Variants in MCTP2 observed in about 807,000 individuals in gnomAD.
MCTP2 encodes the protein multiple C2 and transmembrane domain containing 2.
In MCTP2, 132 loss-of-function variants were observed where a neutral mutation model predicts 111.6. The ratio of observed to expected loss-of-function variants is 1.18; its 90% confidence interval spans 1.03 to 1.37. The LOEUF (loss-of-function observed/expected upper bound fraction) is 1.37, where lower values mean the gene tolerates loss of function less well. Among genes scored for constraint, MCTP2 ranks in the 40% most tolerant of loss-of-function variants. MCTP2 has a pLI of 0.00. For missense variants in MCTP2, 1,183 were observed against 1,067.9 expected (o/e 1.11, Z -1.50); for synonymous variants, 395 against 387.7 (o/e 1.02, Z -0.22).
chr15:94,259,198 A>G (rs750763381), intron 1 of MCTP2, among the ~76,000 whole-genome samples: 1 of 152,158 alleles, frequency 6.6e-6, no homozygotes, highest in Non-Finnish European at 1.5e-5. Context: ...CACCATTAGT[A>G]CTCATACTCT....
At chr15:94,364,677 T>C (rs1031135611) in intron 10 of MCTP2, among the ~76,000 whole-genome samples, 1 of 152,228 alleles carries the variant, frequency 6.6e-6, no homozygotes, top group African/African-American at 2.4e-5. Flanking sequence ...TGGATGAATA[T>C]TTTGGTTAAC....
intron 4 of MCTP2, among the ~76,000 whole-genome samples, chr15:94,335,763 T>A (rs2077331497): frequency 6.6e-6 from 1 of 152,218 alleles, no homozygotes; most frequent in African/African-American, 2.4e-5. Context: ...GTTAGTTTTT[T>A]AAAAAACAGT....
chr15:94,281,695 C>T (rs543812007), intron 1 of MCTP2, among the ~76,000 whole-genome samples: 8 of 152,218 alleles, frequency 5.3e-5, no homozygotes, highest in African/African-American at 1.9e-4. Flanking sequence ...TGGCCAGTAA[C>T]AGTCTTTCAT....
Position 94,378,084 on chromosome 15 carries a change from T to A in MCTP2, c.1583-5938T>A, listed in dbSNP as rs56300565. Among the ~76,000 whole-genome samples the A allele has an allele frequency of 4.1e-3, 625 of 152,232 alleles. 6 individuals carry two copies. The highest frequency in any genetic ancestry group is 0.014 in the African/African-American group (597 of 41,546). On this transcript the variant is annotated intron_variant, in intron 12 of 22. Transcript: ENST00000357742. ...ATTAAGGGAATGATATGATCCGATA[T>A]AAACTAACAAAAGTTTATTCTGGCA...
chr15:94,322,293 G>A (rs2076666424), intron 4 of MCTP2, among the ~76,000 whole-genome samples: 1 of 132,222 alleles, frequency 7.6e-6, no homozygotes. Flanking sequence ...CACAGCCCCT[G>A]TTTTTGAATT....
chr15:94,313,443 C>T (rs1240048281), intron 2 of MCTP2, among the ~76,000 whole-genome samples: 1 of 152,122 alleles, frequency 6.6e-6, no homozygotes, highest in Non-Finnish European at 1.5e-5. Context: ...TGGCTCACGC[C>T]TGTAATCCCA....
chr15:94,266,020 C>T (rs1332988028), intron 1 of MCTP2, among the ~76,000 whole-genome samples: 1 of 152,162 alleles, frequency 6.6e-6, no homozygotes, highest in African/African-American at 2.4e-5. Flanking sequence ...AAGACAAGAT[C>T]ACATCTTTAA....
At chr15:94,250,425 T>C (rs1049848461) in intron 1 of MCTP2, among the ~76,000 whole-genome samples, 1 of 152,202 alleles carries the variant, frequency 6.6e-6, no homozygotes, top group African/African-American at 2.4e-5. Flanking sequence ...TGAGCACGTA[T>C]TGAGGATTAC....
intron 10 of MCTP2, among the ~76,000 whole-genome samples, chr15:94,364,473 A>T (rs1436358998): frequency 6.6e-6 from 1 of 152,156 alleles, no homozygotes; most frequent in Non-Finnish European, 1.5e-5. Context: ...TTGCAAGAAG[A>T]ATCCATTACA....
Position 94,438,560 on chromosome 15 carries a change from C to T in MCTP2, c.2086-1616C>T, listed in dbSNP as rs1406561938. Among the ~76,000 whole-genome samples, 7 of 152,230 alleles carry T rather than the reference C, an allele frequency of 4.6e-5. No individual in the cohort carries two copies. The East Asian group carries it at 1.3e-3, about 29-fold the overall frequency. On this transcript the variant is annotated intron_variant, in intron 17 of 22. Coordinates refer to ENST00000357742, the MANE Select transcript of MCTP2 (RefSeq NM_001385001.1). ...TTATGAAATTACAAATACAATACTTCACCATATTGATGTCTTTAAATGAAA... is the reference window on the plus strand; with the variant it reads ...TTATGAAATTACAAATACAATACTTTACCATATTGATGTCTTTAAATGAAA...
At chr15:94,372,515 C>G (rs141932965) in intron 12 of MCTP2, among the ~76,000 whole-genome samples, 1 of 152,282 alleles carries the variant, frequency 6.6e-6, no homozygotes, top group African/African-American at 2.4e-5. Context: ...AAGAGGTCAG[C>G]GATCGTGGCC....
intron 1 of MCTP2, among the ~76,000 whole-genome samples, chr15:94,281,607 C>A (rs181093501): frequency 3.2e-4 from 48 of 152,188 alleles, no homozygotes; most frequent in Non-Finnish European, 6.0e-4. Flanking sequence ...TTGTGATGTT[C>A]ACTGTTTGTT....
intron 13 of MCTP2, among the ~76,000 whole-genome samples, chr15:94,385,036 G>A (rs898355123): frequency 2.6e-5 from 4 of 152,116 alleles, no homozygotes; most frequent in Admixed American, 6.5e-5. Context: ...TTATTTTAAA[G>A]GTAATTCTTA....
rs181495833 is a variant in MCTP2, at chr15:94,306,022, G to T, written c.465+7292G>T. ...CGGTCTATTCTGGTTCTTGCCGTAGGTATTGATGGTGAAATTGGGATTAGA... is the reference window on the plus strand; with the variant it reads ...CGGTCTATTCTGGTTCTTGCCGTAGTTATTGATGGTGAAATTGGGATTAGA... On this transcript the variant is annotated intron_variant, in intron 2 of 22. Coordinates refer to ENST00000357742, the MANE Select transcript of MCTP2 (RefSeq NM_001385001.1). Among the ~76,000 whole-genome samples the T allele has an allele frequency of 4.0e-3, 615 of 152,236 alleles. 1 individual carries two copies. The highest frequency in any genetic ancestry group is 0.022 in the South Asian group (108 of 4,818).
intron 20 of MCTP2, among the ~76,000 whole-genome samples, chr15:94,467,611 A>C (rs2073496344): frequency 6.6e-6 from 1 of 151,726 alleles, no homozygotes; most frequent in Admixed American, 6.6e-5. Flanking sequence ...AATCTAATTA[A>C]TTTTTTCTTT....
At chr15:94,441,334 C>A (rs1021772089) in intron 18 of MCTP2, among the ~76,000 whole-genome samples, 2 of 152,050 alleles carry the variant, frequency 1.3e-5, no homozygotes, top group African/African-American at 4.8e-5. Context: ...GAAAATAGAA[C>A]CAGCTAATAA....
chr15:94,390,668 A>T (rs1028289554), intron 14 of MCTP2, among the ~76,000 whole-genome samples: 5 of 152,054 alleles, frequency 3.3e-5, no homozygotes, highest in African/African-American at 1.2e-4. Context: ...GGTATTTCCT[A>T]ATAACAAATA....
At chr15:94,294,862 G>C (rs756884018) in intron 1 of MCTP2, among the ~76,000 whole-genome samples, 2 of 150,926 alleles carry the variant, frequency 1.3e-5, no homozygotes, top group African/African-American at 4.9e-5. Flanking sequence ...CATCTCCTGT[G>C]GTGGAGCCCA....
chr15:94,466,397 C>G (rs1049945267), intron 20 of MCTP2, among the ~76,000 whole-genome samples: 3 of 152,060 alleles, frequency 2.0e-5, no homozygotes, highest in Non-Finnish European at 4.4e-5. Context: ...GGGATACTAC[C>G]AGTCCCAGGA....
Sources: gnomAD v4.1 joint callset for allele counts (sites outside exome capture counted in the v4.1 genomes callset) on GRCh38, gnomAD v4.1.1 for gene constraint, MANE v1.5 for transcripts, NCBI Gene and HGNC (gene_info 2026-07-23, HGNC 2026-07-21) for gene names.